Variants in ENOX1 observed in about 807,000 individuals in gnomAD.
The protein encoded by ENOX1 is candidate growth-related and time keeping constitutive hydroquinone (NADH) oxidase.
A neutral mutation model predicts 82.5 loss-of-function variants in ENOX1; 42 were observed. The ratio of observed to expected loss-of-function variants is 0.51; its 90% CI spans 0.40 to 0.66. The LOEUF is 0.66. Ranked by LOEUF, ENOX1 falls within the 30% of genes least tolerant of loss-of-function variation. The probability of loss-of-function intolerance (pLI) is 0.00; values close to 1 mark genes in which losing one functional copy is unlikely to be tolerated. For synonymous variants in ENOX1, 271 were observed against 282.2 expected (o/e 0.96, Z 0.40); for missense variants, 608 against 811.6 (o/e 0.75, Z 3.05).
chr13:43,341,315 A>G (rs1014533871), intron 9 of ENOX1, among the ~76,000 whole-genome samples: 7 of 151,158 alleles, frequency 4.6e-5, no homozygotes, highest in African/African-American at 1.7e-4. Flanking sequence ...AAAGAGAGAG[A>G]TGCAGTGATG....
intron 2 of ENOX1, among the ~76,000 whole-genome samples, chr13:43,601,969 GAAGGAGAAATA>G (rs1342063678): frequency 2.0e-5 from 3 of 151,944 alleles, no homozygotes; most frequent in Non-Finnish European, 4.4e-5. Context: ...CTTCAAATAG[GAAGGAGAAATA>G]AAGGAGAAAT....
chr13:43,260,196 C>T (rs751174893), intron 14 of ENOX1, among the ~76,000 whole-genome samples: 4 of 152,226 alleles, frequency 2.6e-5, no homozygotes, highest in South Asian at 2.1e-4. Context: ...ACGCTCCTAA[C>T]GTCTTTACTC....
chr13:43,338,311 TG>T (rs1387881489), intron 9 of ENOX1, among the ~76,000 whole-genome samples: 3 of 152,122 alleles, frequency 2.0e-5, no homozygotes, highest in African/African-American at 7.2e-5. Context: ...GGAGTTTCTG[TG>T]AAGTATGCAT....
At chr13:43,733,210 T>C (rs551231525) in intron 1 of ENOX1, among the ~76,000 whole-genome samples, 1 of 152,304 alleles carries the variant, frequency 6.6e-6, no homozygotes, top group East Asian at 1.9e-4. Flanking sequence ...AATAATTTTA[T>C]ACCATACACA....
At chr13:43,441,506 G>T (rs2056353719) in intron 3 of ENOX1, among the ~76,000 whole-genome samples, 1 of 152,102 alleles carries the variant, frequency 6.6e-6, no homozygotes, top group South Asian at 2.1e-4. Flanking sequence ...AAGGAAACAC[G>T]ATTCTAAAAC....
At chr13:43,258,927 A>G (rs559580655) in intron 14 of ENOX1, among the ~76,000 whole-genome samples, 1 of 152,196 alleles carries the variant, frequency 6.6e-6, no homozygotes, top group Admixed American at 6.5e-5. Flanking sequence ...GGAATGAAAC[A>G]GGACTAGCAG....
At chr13:43,644,495 T>C (rs1286597344) in intron 2 of ENOX1, among the ~76,000 whole-genome samples, 4 of 152,140 alleles carry the variant, frequency 2.6e-5, no homozygotes, top group Non-Finnish European at 4.4e-5. Flanking sequence ...AGAAAAATAA[T>C]AGACAATAAG....
At chr13:43,344,483 A>G in intron 9 of ENOX1, 55 bp downstream of exon 9, 2 of 1,456,760 alleles carry the variant, frequency 1.4e-6, no homozygotes, top group Non-Finnish European at 1.9e-6. Context: ...TAAAATTAAT[A>G]AAAAAGAAAA....
chr13:43,771,933 A>ATTTTT (rs34718451), intron 1 of ENOX1, among the ~76,000 whole-genome samples: 24 of 100,968 alleles, frequency 2.4e-4, no homozygotes, highest in Middle Eastern at 6.8e-3. Context: ...CGCCCGGCTA[A>ATTTTT]TTTTTTTTTT....
chr13:43,598,199 T>G (rs903383621), intron 2 of ENOX1, among the ~76,000 whole-genome samples: 6 of 119,312 alleles, frequency 5.0e-5, no homozygotes, highest in Admixed American at 3.5e-4. Context: ...AAAATAGGCC[T>G]TTAAAGAAAA....
At chr13:43,281,437 T>C (rs755154846) in intron 12 of ENOX1, among the ~76,000 whole-genome samples, 7 of 152,026 alleles carry the variant, frequency 4.6e-5, no homozygotes, top group Admixed American at 2.6e-4. Flanking sequence ...CCTTTTGCAA[T>C]AAATGGTGTC....
At chr13:43,567,635 T>C (rs1417022491) in intron 2 of ENOX1, among the ~76,000 whole-genome samples, 5 of 152,118 alleles carry the variant, frequency 3.3e-5, no homozygotes, top group African/African-American at 1.2e-4. Flanking sequence ...GTTCATAATT[T>C]AGAGGAAAGG....
intron 3 of ENOX1, among the ~76,000 whole-genome samples, chr13:43,446,030 T>C (rs2056632860): frequency 6.6e-6 from 1 of 152,148 alleles, no homozygotes; most frequent in African/African-American, 2.4e-5. Context: ...GGTTCCACAG[T>C]AGTCTGTCTC....
At chr13:43,485,813 C>T (rs1369286509) in intron 2 of ENOX1, among the ~76,000 whole-genome samples, 4 of 152,336 alleles carry the variant, frequency 2.6e-5, no homozygotes, top group East Asian at 3.9e-4. Context: ...CGGTGGCCCA[C>T]GCCTATAATC....
At chr13:43,633,640 C>A (rs1490046512) in intron 2 of ENOX1, among the ~76,000 whole-genome samples, 2 of 151,466 alleles carry the variant, frequency 1.3e-5, no homozygotes, top group Non-Finnish European at 2.9e-5. Context: ...AAACAAGTTT[C>A]AGAGTAATGT....
chr13:43,316,188 A>G (rs1268695123), intron 11 of ENOX1, among the ~76,000 whole-genome samples: 1 of 152,202 alleles, frequency 6.6e-6, no homozygotes, highest in Non-Finnish European at 1.5e-5. Flanking sequence ...CTGGGCTGTC[A>G]TGCAGGAAAC....
At chr13:43,457,738 T>C (rs2057295745) in intron 3 of ENOX1, among the ~76,000 whole-genome samples, 1 of 152,152 alleles carries the variant, frequency 6.6e-6, no homozygotes, top group Non-Finnish European at 1.5e-5. Context: ...TGAATGTTAA[T>C]GGTCAAACTA....
At chr13:43,576,596 G>A (rs1177892212) in intron 2 of ENOX1, among the ~76,000 whole-genome samples, 1 of 151,980 alleles carries the variant, frequency 6.6e-6, no homozygotes, top group African/African-American at 2.4e-5. Flanking sequence ...AAAAAAATGT[G>A]GCCCTGCAGA....
At chr13:43,753,190 C>A (rs1950414414) in intron 1 of ENOX1, among the ~76,000 whole-genome samples, 1 of 152,086 alleles carries the variant, frequency 6.6e-6, no homozygotes, top group South Asian at 2.1e-4. Flanking sequence ...TTTTAAGATT[C>A]ATCTTTTCAA....
Sources: gnomAD v4.1 joint callset for allele counts (sites outside exome capture counted in the v4.1 genomes callset) on GRCh38, gnomAD v4.1.1 for gene constraint, MANE v1.5 for transcripts, NCBI Gene and HGNC (gene_info 2026-07-23, HGNC 2026-07-21) for gene names.